The following SNTB1 variants were observed in gnomAD, a reference collection of about 807,000 sequenced individuals.
SNTB1 encodes beta-1-syntrophin.
A neutral mutation model predicts 48.9 loss-of-function variants in SNTB1; 36 were observed. The observed-to-expected ratio is 0.74, with a 90% CI of 0.56 to 0.97. SNTB1 has a LOEUF of 0.97. SNTB1 is among the 50% of genes least tolerant of loss of function. SNTB1 has a pLI of 0.00. For synonymous variants in SNTB1, 299 were observed against 294.6 expected (o/e 1.01, Z -0.15); for missense variants, 786 against 703.4 (o/e 1.12, Z -1.33).
At chr8:120,705,364 G>T (rs1032168821) in intron 1 of SNTB1, among the ~76,000 whole-genome samples, 1 of 152,172 alleles carries the variant, frequency 6.6e-6, no homozygotes, top group Non-Finnish European at 1.5e-5. Flanking sequence ...AACACTGAAA[G>T]GTACACTACA....
At chr8:120,767,777 T>A (rs57849838) in intron 1 of SNTB1, among the ~76,000 whole-genome samples, 5,801 of 152,238 alleles carry the variant, frequency 0.038, 371 homozygotes, top group African/African-American at 0.13. Flanking sequence ...TCGATAGTAG[T>A]CTTTTATTAT....
chr8:120,728,528 G>T (rs1481032124), intron 1 of SNTB1, among the ~76,000 whole-genome samples: 1 of 151,946 alleles, frequency 6.6e-6, no homozygotes, highest in East Asian at 1.9e-4. Context: ...GTCTATTGTT[G>T]CCATCTTTAT....
chr8:120,745,876 G>A (rs1819117175), intron 1 of SNTB1, among the ~76,000 whole-genome samples: 1 of 152,096 alleles, frequency 6.6e-6, no homozygotes, highest in Non-Finnish European at 1.5e-5. Flanking sequence ...CTCCTCCCAA[G>A]AGTTACTCCG....
chr8:120,769,153 G>A (rs1451323543), intron 1 of SNTB1: 1 of 152,144 alleles, frequency 6.6e-6, no homozygotes, highest in Non-Finnish European at 1.5e-5. Context: ...TGAAATTCAG[G>A]GCAAAAGGGG....
intron 1 of SNTB1, among the ~76,000 whole-genome samples, chr8:120,743,490 T>G (rs920677774): frequency 2.0e-5 from 3 of 152,062 alleles, no homozygotes; most frequent in Non-Finnish European, 4.4e-5. Flanking sequence ...GCATAAGGGG[T>G]CATGCAAAGA....
At chr8:120,547,521 C>T (rs754651629) in intron 5 of SNTB1, among the ~76,000 whole-genome samples, 6 of 147,354 alleles carry the variant, frequency 4.1e-5, no homozygotes, top group Non-Finnish European at 5.9e-5. Flanking sequence ...TGCTTGAATC[C>T]GTGAGATGGA....
chr8:120,599,984 A>G (rs1367292533), intron 3 of SNTB1, among the ~76,000 whole-genome samples: 1 of 152,250 alleles, frequency 6.6e-6, no homozygotes, highest in East Asian at 1.9e-4. Context: ...TAAAAACCAG[A>G]AAATGCCGGG....
intron 4 of SNTB1, among the ~76,000 whole-genome samples, chr8:120,562,077 AG>A (rs1215909849): frequency 6.6e-6 from 1 of 152,240 alleles, no homozygotes; most frequent in African/African-American, 2.4e-5. Flanking sequence ...CTGTGATTTA[AG>A]ACACTGGGAT....
intron 2 of SNTB1, among the ~76,000 whole-genome samples, chr8:120,661,716 C>T (rs1817591662): frequency 6.6e-6 from 1 of 152,154 alleles, no homozygotes; most frequent in Admixed American, 6.5e-5. Flanking sequence ...TCTCATTGTT[C>T]AACTCCCACT....
chr8:120,699,241 C>A (rs61063678), intron 1 of SNTB1, among the ~76,000 whole-genome samples: 1 of 152,236 alleles, frequency 6.6e-6, no homozygotes, highest in African/African-American at 2.4e-5. Flanking sequence ...GATATTGACA[C>A]GCTATTTCTG....
At chr8:120,553,804 CCTGA>C (rs1051030301) in intron 4 of SNTB1, among the ~76,000 whole-genome samples, 4 of 152,142 alleles carry the variant, frequency 2.6e-5, no homozygotes, top group African/African-American at 9.7e-5. Context: ...TTGAGACCAG[CCTGA>C]CTAATATGGT....
intron 4 of SNTB1, among the ~76,000 whole-genome samples, chr8:120,571,795 G>A (rs1343888414): frequency 1.3e-5 from 2 of 152,046 alleles, no homozygotes; most frequent in East Asian, 1.9e-4. Context: ...CAGCATACCC[G>A]GCCATGATTA....
chr8:120,633,314 T>A (rs980569561), intron 2 of SNTB1, among the ~76,000 whole-genome samples: 1 of 152,148 alleles, frequency 6.6e-6, no homozygotes, highest in African/African-American at 2.4e-5. Flanking sequence ...TGTATTCTAT[T>A]TAAAGTCCAG....
chr8:120,757,549 G>A (rs1007924893), intron 1 of SNTB1, among the ~76,000 whole-genome samples: 10 of 152,134 alleles, frequency 6.6e-5, no homozygotes, highest in Non-Finnish European at 1.0e-4. Flanking sequence ...GATTCATTTC[G>A]TGTTTCAGGA....
intron 1 of SNTB1, among the ~76,000 whole-genome samples, chr8:120,739,187 G>T (rs1819001638): frequency 2.0e-5 from 3 of 152,274 alleles, no homozygotes; most frequent in African/African-American, 7.2e-5. Flanking sequence ...TTATTTAAAA[G>T]CCTTCTCTTT....
chr8:120,736,370 T>G (rs1007051053), intron 1 of SNTB1, among the ~76,000 whole-genome samples: 4 of 152,130 alleles, frequency 2.6e-5, no homozygotes, highest in Non-Finnish European at 5.9e-5. Context: ...AAGTTGATAT[T>G]CTGAAGAGAC....
intron 1 of SNTB1, among the ~76,000 whole-genome samples, chr8:120,750,568 C>T (rs1819196104): frequency 6.6e-6 from 1 of 152,040 alleles, no homozygotes; most frequent in South Asian, 2.1e-4. Flanking sequence ...AATAATGTTG[C>T]CAATACAGTT....
chr8:120,635,917 CT>C, intron 2 of SNTB1: 3 of 453,984 alleles, frequency 6.6e-6, no homozygotes, highest in Non-Finnish European at 1.2e-5. Context: ...TCTTTATTTC[CT>C]TTTTGCTAAC....
intron 2 of SNTB1, among the ~76,000 whole-genome samples, chr8:120,686,354 G>A (rs1209162452): frequency 1.3e-5 from 2 of 152,156 alleles, no homozygotes; most frequent in African/African-American, 4.8e-5. Flanking sequence ...TCTGGAGACT[G>A]GACAGTCCAA....
Sources: allele counts gnomAD v4.1 joint callset (sites outside exome capture counted in the v4.1 genomes callset), GRCh38; gene constraint gnomAD v4.1.1; transcripts MANE v1.5; gene names NCBI Gene and HGNC (gene_info 2026-07-23, HGNC 2026-07-21).